Variants in GLYR1 observed in about 807,000 individuals in gnomAD.
The protein encoded by GLYR1 is glyoxylate reductase 1 homolog.
Under a neutral mutation model 72.7 loss-of-function variants are expected in GLYR1, and 21 were observed. The observed-to-expected ratio is 0.29, with a 90% CI of 0.20 to 0.42. GLYR1 has a LOEUF of 0.42. Ranked by LOEUF, GLYR1 falls within the 10% of genes least tolerant of loss-of-function variation. GLYR1 has a pLI of 1.00. For missense variants in GLYR1, 594 were observed against 712.1 expected, an observed-to-expected ratio of 0.83 and a Z score of 1.89; for synonymous variants, 392 against 270.2, an observed-to-expected ratio of 1.45 and a Z score of -4.42.
At chr16:4,822,407 T>C (rs938457981) in intron 7 of GLYR1, among the ~76,000 whole-genome samples, 1 of 150,208 alleles carries the variant, frequency 6.7e-6, no homozygotes. Context: ...TTTATCTTTT[T>C]TGAGACAGAG....
At chr16:4,829,527 C>T (rs1249765338) in intron 5 of GLYR1, among the ~76,000 whole-genome samples, 2 of 151,848 alleles carry the variant, frequency 1.3e-5, no homozygotes, top group East Asian at 3.9e-4. Flanking sequence ...CGCTGTGTCA[C>T]CCAGACTAAA....
At chr16:4,846,306 T>A in intron 1 of GLYR1, 96 bp from the exon 2 acceptor site, 2 of 1,378,770 alleles carry the variant, frequency 1.5e-6, no homozygotes, top group East Asian at 4.6e-5. Context: ...AAATCTCTGC[T>A]GGCATCCTCA....
Position 4,812,231 on chromosome 16 carries a change from C to G in GLYR1, c.1137G>C (p.Gly379=). The change falls in exon 13 of 16, where the codon GGG becomes GGC. Residue 379 remains glycine, a synonymous_variant. Transcript: ENST00000321919. ...TELAQVIVSR[G]GRFLEAPVSG... is the part of the protein sequence containing the mutation. ...AGACGGGGGCTTCCAGAAAGCGCCC[C>G]CCCCTGGACACAATCACCTGGAAAG... is the stretch of plus-strand genomic sequence containing the variant. 2 of 1,613,136 alleles carry G rather than the reference C, an allele frequency of 1.2e-6. No individual in the cohort carries two copies. Among genetic ancestry groups the G allele is most frequent in the Non-Finnish European group, 1.7e-6 (2 of 1,179,804 alleles).
intron 3 of GLYR1, among the ~76,000 whole-genome samples, chr16:4,838,647 C>T (rs901787776): frequency 4.0e-5 from 6 of 151,522 alleles, no homozygotes; most frequent in Admixed American, 3.9e-4. Flanking sequence ...AGTGCAGTGG[C>T]GCGATCTCGA....
Position 4,805,022 on chromosome 16 carries a change from C to T in GLYR1, c.*214G>A, listed in dbSNP as rs2082889272. The stretch of plus-strand genomic sequence containing the variant: ...GCCAGTGCCCAGCTCAAGAGCTTTC[C>T]CACACGCCAATCCTGCTGACACTTG... On this transcript the variant is annotated 3_prime_UTR_variant, in exon 16 of 16. Coordinates refer to ENST00000321919, the MANE Select transcript of GLYR1 (RefSeq NM_032569.4). The T allele has an allele frequency of 2.9e-5, 15 of 517,074 alleles. No homozygotes were observed. Among genetic ancestry groups the T allele is most frequent in the Non-Finnish European group, 5.3e-5 (15 of 281,074 alleles). The allele number at this position is 517,074 out of a possible 1,614,324, so 32.0% of individuals were successfully genotyped here. A position where few individuals can be genotyped will look rare whatever the true frequency, so the allele number is the denominator to read the frequency against.
intron 2 of GLYR1, 83 bp downstream of exon 2, chr16:4,846,091 A>G: frequency 6.9e-7 from 1 of 1,453,520 alleles, no homozygotes; most frequent in Non-Finnish European, 9.7e-7. Flanking sequence ...ACTCAATACT[A>G]GAAACTGAGA....
chr16:4,829,482 T>C (rs186845797), intron 5 of GLYR1, among the ~76,000 whole-genome samples: 2 of 151,754 alleles, frequency 1.3e-5, no homozygotes, highest in Non-Finnish European at 2.9e-5. Flanking sequence ...GTACTTTTTG[T>C]TTCTTTTTTT....
At position 4,805,031 on chromosome 16, in the gene GLYR1, A is replaced by G. The variant is rs2082889816; in HGVS notation, c.*205T>C. The G allele has an allele frequency of 1.2e-5, 7 of 596,022 alleles. No individual in the cohort carries two copies. In the South Asian group the frequency reaches 1.3e-4, roughly 11 times the overall value. The allele number at this position is 596,022 out of a possible 1,614,324, so 36.9% of individuals were successfully genotyped here. ...CAGCTCAAGAGCTTTCCCACACGCCAATCCTGCTGACACTTGTCCCCTCCC... is the reference window on the plus strand; with the variant it reads ...CAGCTCAAGAGCTTTCCCACACGCCGATCCTGCTGACACTTGTCCCCTCCC... On this transcript the variant is annotated 3_prime_UTR_variant, in exon 16 of 16. Transcript: ENST00000321919.
At chr16:4,833,848 T>G (rs2084950715) in intron 3 of GLYR1, among the ~76,000 whole-genome samples, 1 of 152,214 alleles carries the variant, frequency 6.6e-6, no homozygotes, top group African/African-American at 2.4e-5. Flanking sequence ...CTGAATGGCA[T>G]GCAGCTTATA....
chr16:4,824,285 C>T (rs1029995147), intron 5 of GLYR1, among the ~76,000 whole-genome samples: 1 of 151,936 alleles, frequency 6.6e-6, no homozygotes, highest in African/African-American at 2.4e-5. Context: ...GAGGCCGAGG[C>T]AGGCAGATCA....
At chr16:4,828,224 C>T (rs1371698771) in intron 5 of GLYR1, among the ~76,000 whole-genome samples, 1 of 151,724 alleles carries the variant, frequency 6.6e-6, no homozygotes, top group Non-Finnish European at 1.5e-5. Flanking sequence ...CGCCCACCAC[C>T]ATGCCCGGCT....
At chr16:4,838,648 G>A (rs996034857) in intron 3 of GLYR1, among the ~76,000 whole-genome samples, 1 of 150,936 alleles carries the variant, frequency 6.6e-6, no homozygotes, top group Non-Finnish European at 1.5e-5. Context: ...GTGCAGTGGC[G>A]CGATCTCGAC....
intron 10 of GLYR1, among the ~76,000 whole-genome samples, chr16:4,816,046 G>A (rs1017900673): frequency 1.3e-5 from 2 of 152,168 alleles, no homozygotes; most frequent in Non-Finnish European, 2.9e-5. Context: ...TGGGATTATA[G>A]GCATGAGCCA....
intron 12 of GLYR1, among the ~76,000 whole-genome samples, chr16:4,812,909 G>A (rs915687098): frequency 6.6e-6 from 1 of 151,508 alleles, no homozygotes. Flanking sequence ...CCATTCTCCT[G>A]CATCAGCCTC....
rs148677404 is a variant in GLYR1, at chr16:4,833,083, A to G, written c.156-171T>C. On this transcript the variant is annotated intron_variant, in intron 3 of 15. Transcript: ENST00000321919. ...TCAACCATCTCAGAGTCTTATGTCT[A>G]AAGTATATTTTCTTGAAACAAGTCA... The G allele has an allele frequency of 5.6e-5, 28 of 503,530 alleles. No individual in the cohort carries two copies. In the East Asian group the frequency reaches 7.1e-4, roughly 13 times the overall value. The allele number at this position is 503,530 out of a possible 1,614,324, so 31.2% of individuals were successfully genotyped here.
chr16:4,827,606 A>C (rs550181115), intron 5 of GLYR1, among the ~76,000 whole-genome samples: 37 of 151,578 alleles, frequency 2.4e-4, no homozygotes, highest in African/African-American at 8.2e-4. Flanking sequence ...CAAACAAACA[A>C]ACAAAAAAAA....
chr16:4,845,663 G>A (rs1203972681), intron 2 of GLYR1, among the ~76,000 whole-genome samples: 1 of 152,036 alleles, frequency 6.6e-6, no homozygotes, highest in Non-Finnish European at 1.5e-5. Context: ...GACACCTCCC[G>A]GGCTCCAAGC....
At chr16:4,821,321 C>T (rs1396394883) in intron 9 of GLYR1, 59 bp downstream of exon 9, 2 of 1,575,692 alleles carry the variant, frequency 1.3e-6, no homozygotes, top group Non-Finnish European at 1.7e-6. Flanking sequence ...CTGGGGTCAC[C>T]TTCTCCCCAC....
chr16:4,845,851 T>C (rs2085985168), intron 2 of GLYR1, among the ~76,000 whole-genome samples: 1 of 152,204 alleles, frequency 6.6e-6, no homozygotes, highest in African/African-American at 2.4e-5. Context: ...TAGACTTTCT[T>C]CCTGGATAAT....
Sources: allele counts gnomAD v4.1 joint callset (sites outside exome capture counted in the v4.1 genomes callset), GRCh38; gene constraint gnomAD v4.1.1; transcripts MANE v1.5; gene names NCBI Gene and HGNC (gene_info 2026-07-23, HGNC 2026-07-21).